The following MAP4 variants were observed in gnomAD, a reference collection of about 807,000 sequenced individuals.
MAP4 encodes microtubule-associated protein 4.
In MAP4, 76 loss-of-function variants were observed where a neutral mutation model predicts 170.2. The observed-to-expected ratio is 0.45, with a 90% CI of 0.37 to 0.54. MAP4 has a LOEUF of 0.54. Ranked by LOEUF, MAP4 falls within the 20% of genes least tolerant of loss-of-function variation. The pLI is 0.00. For synonymous variants in MAP4, 909 were observed against 994.5 expected (o/e 0.91, Z 1.62); for missense variants, 2,506 against 2,748.0 (o/e 0.91, Z 1.97).
At chr3:47,863,921 G>GGTGTGTGTGT (rs747894391) in intron 17 of MAP4, among the ~76,000 whole-genome samples, 7 of 110,882 alleles carry the variant, frequency 6.3e-5, no homozygotes, top group African/African-American at 9.1e-5. Context: ...TGTGGGTGTG[G>GGTGTGTGTGT]GTGTGTGTGT....
chr3:47,949,150 G>C (rs772272244), intron 3 of MAP4, among the ~76,000 whole-genome samples: 1 of 151,970 alleles, frequency 6.6e-6, no homozygotes, highest in Non-Finnish European at 1.5e-5. Flanking sequence ...TTCCATTTAG[G>C]TTCTAGGGAT....
intron 1 of MAP4, among the ~76,000 whole-genome samples, chr3:48,041,355 A>G (rs1027158421): frequency 3.3e-5 from 5 of 151,298 alleles, no homozygotes; most frequent in African/African-American, 9.7e-5. Flanking sequence ...CAGGTAATCC[A>G]CCTGCCTTGG....
intron 2 of MAP4, among the ~76,000 whole-genome samples, chr3:47,981,005 C>T (rs1422140008): frequency 6.6e-6 from 1 of 152,152 alleles, no homozygotes; most frequent in African/African-American, 2.4e-5. Context: ...ATAGGAATAA[C>T]CTTTTTATGA....
intron 10 of MAP4, among the ~76,000 whole-genome samples, chr3:47,886,151 T>C (rs1348992690): frequency 1.3e-5 from 2 of 152,244 alleles, no homozygotes; most frequent in Non-Finnish European, 2.9e-5. Context: ...ACATATTTCA[T>C]AAAGTCGCAT....
Position 47,854,609 on chromosome 3 carries a change from G to C in MAP4, c.6696+639C>G, listed in dbSNP as rs545233208. On this transcript the variant is annotated intron_variant, in intron 19 of 20. Coordinates refer to ENST00000683076, the MANE Select transcript of MAP4 (RefSeq NM_001385682.1). The stretch of plus-strand genomic sequence containing the variant: ...ACAGACAGCATCTTGGCACACAAAA[G>C]GTCTCACAGTACTGTGGAAGGAGGA... Among the ~76,000 whole-genome samples, 9 of 152,332 alleles carry C rather than the reference G, an allele frequency of 5.9e-5. No homozygotes were observed. In the East Asian group the frequency reaches 1.7e-3, roughly 29 times the overall value.
At chr3:47,961,777 A>G (rs1006061095) in intron 3 of MAP4, among the ~76,000 whole-genome samples, 2 of 152,064 alleles carry the variant, frequency 1.3e-5, no homozygotes, top group Non-Finnish European at 2.9e-5. Flanking sequence ...GCTCATCCCA[A>G]CAAGCTTTAG....
chr3:48,054,098 C>A (rs971786744), intron 1 of MAP4, among the ~76,000 whole-genome samples: 8 of 151,268 alleles, frequency 5.3e-5, no homozygotes, highest in African/African-American at 1.9e-4. Flanking sequence ...GGTTAAGAGA[C>A]CAAGACCATC....
chr3:48,015,934 C>T (rs2100107559), intron 1 of MAP4, among the ~76,000 whole-genome samples: 2 of 152,090 alleles, frequency 1.3e-5, no homozygotes, highest in South Asian at 4.1e-4. Context: ...AACTACAACC[C>T]CCCTGAAGAA....
chr3:47,874,920 C>A (rs1397946853), intron 12 of MAP4, among the ~76,000 whole-genome samples: 1 of 150,906 alleles, frequency 6.6e-6, no homozygotes, highest in Admixed American at 6.6e-5. Flanking sequence ...TCAGGCTGAC[C>A]TAAAGGCCCT....
intron 10 of MAP4, among the ~76,000 whole-genome samples, chr3:47,879,154 A>G (rs1256723705): frequency 6.6e-6 from 1 of 152,202 alleles, no homozygotes; most frequent in African/African-American, 2.4e-5. Flanking sequence ...TTATTATGGT[A>G]GAAATATCAA....
chr3:47,871,924 C>A lies in MAP4; in HGVS notation c.5934G>T (p.Lys1978Asn), dbSNP rs776680085. 1.2e-6 allele frequency: 2 copies of A among 1,609,846 alleles called. No individual in the cohort carries two copies. Among genetic ancestry groups the A allele is most frequent in the Non-Finnish European group, 1.7e-6 (2 of 1,177,034 alleles). ...SRSPSTLLPK[K>N]PTAIKTEGKP... ...GAGAAAGGCAATACTCACCAGTGGG[C>A]TTCTTGGGCAGGAGCGTGGAGGGGC... Residue 1978 changes from lysine (K) to asparagine (N), a missense_variant, in exon 13 of 21, where the codon AAG (lysine) becomes AAT (asparagine). By Grantham distance (94) the Lys-to-Asn change is moderately conservative (BLOSUM62 0). Around this residue, in one of 3 missense-constraint regions of MAP4, gnomAD observed 487 missense variants for 511.6 expected, o/e 0.95. Transcript: ENST00000683076.
intron 1 of MAP4, among the ~76,000 whole-genome samples, chr3:48,041,205 G>A (rs757727901): frequency 1.3e-5 from 2 of 151,876 alleles, no homozygotes; most frequent in South Asian, 2.1e-4. Flanking sequence ...TCCGCCTCCC[G>A]GGTTCAAGCG....
intron 8 of MAP4, among the ~76,000 whole-genome samples, chr3:47,914,247 C>A (rs2100037411): frequency 6.6e-6 from 1 of 152,086 alleles, no homozygotes; most frequent in East Asian, 1.9e-4. Context: ...ATTTGGGTGT[C>A]CTTTCTTCAC....
At chr3:48,074,723 T>TGTGTGTGTGTGTGTGA (rs1559906380) in intron 1 of MAP4, among the ~76,000 whole-genome samples, 30 of 149,296 alleles carry the variant, frequency 2.0e-4, no homozygotes, top group African/African-American at 3.9e-4. Context: ...TGTGTGTGTG[T>TGTGTGTGTGTGTGTGA]GTGATATGTC....
chr3:47,918,358 G>A (rs572163322), intron 6 of MAP4, among the ~76,000 whole-genome samples: 1 of 151,898 alleles, frequency 6.6e-6, no homozygotes, highest in East Asian at 1.9e-4. Flanking sequence ...GACCTCAAGT[G>A]ATCTGCCTGC....
chr3:47,999,990 G>A (rs538671379), intron 1 of MAP4, among the ~76,000 whole-genome samples: 17 of 151,990 alleles, frequency 1.1e-4, no homozygotes, highest in African/African-American at 3.6e-4. Context: ...CGAGGCAGGA[G>A]GATCACTTGA....
At chr3:48,028,618 C>T (rs926454046) in intron 1 of MAP4, among the ~76,000 whole-genome samples, 1 of 151,622 alleles carries the variant, frequency 6.6e-6, no homozygotes, top group Non-Finnish European at 1.5e-5. Context: ...ACTAAAAATA[C>T]GAAAATTAGC....
intron 6 of MAP4, among the ~76,000 whole-genome samples, chr3:47,917,458 C>T (rs961055578): frequency 2.6e-4 from 40 of 151,902 alleles, no homozygotes; most frequent in African/African-American, 8.4e-4. Context: ...CAGTGGCAGG[C>T]GCCTGTAATC....
In MAP4 at chr3:47,872,018, T is replaced by G; in HGVS notation, c.5840A>C (p.Lys1947Thr). The G allele has an allele frequency of 6.2e-7, 1 of 1,614,080 alleles. No homozygotes were observed. Among genetic ancestry groups the G allele is most frequent in the Non-Finnish European group, 8.5e-7 (1 of 1,180,002 alleles). Residue 1947 changes from lysine (K) to threonine (T), a missense_variant, in exon 13 of 21, where the codon AAG becomes ACG. By Grantham distance (78) the Lys-to-Thr change is moderately conservative. Coordinates refer to ENST00000683076, the MANE Select transcript of MAP4 (RefSeq NM_001385682.1). The part of the protein sequence containing the change: ...ASAPASRSGS[K>T]STQTVAKTTT... ...GGTTTTTGCAACAGTCTGAGTGCTC[T>G]TGGACCCAGATCTGGAGGCTGGGGC...
Sources: allele counts gnomAD v4.1 joint callset (sites outside exome capture counted in the v4.1 genomes callset), GRCh38; gene constraint gnomAD v4.1.1; regional missense constraint gnomAD v4.1.1; transcripts MANE v1.5; gene names NCBI Gene and HGNC (gene_info 2026-07-23, HGNC 2026-07-21).